The following MON1A variants were observed in gnomAD, a reference collection of about 807,000 sequenced individuals.
The protein encoded by MON1A is MON1 vesicular trafficking associated A.
MON1A carries 29 observed loss-of-function variants against 44.6 expected under a neutral mutation model. That is an observed-to-expected ratio of 0.65 (90% CI 0.48 to 0.89). The LOEUF is 0.89. Among genes scored for constraint, MON1A ranks in the 40% least tolerant of loss-of-function variants. The pLI is 0.00. For synonymous variants in MON1A, 275 were observed against 316.4 expected (o/e 0.87, Z 1.39); for missense variants, 615 against 759.6 (o/e 0.81, Z 2.24).
At chr3:49,917,534 C>T (rs1418485177) in intron 1 of MON1A, among the ~76,000 whole-genome samples, 13 of 151,506 alleles carry the variant, frequency 8.6e-5, no homozygotes, top group Admixed American at 2.0e-4. Context: ...GTGATCCACC[C>T]GCCTCAGCCT....
At chr3:49,912,688 A>C in intron 2 of MON1A, 1 of 225,108 alleles carries the variant, frequency 4.4e-6, no homozygotes, top group South Asian at 6.1e-5. Flanking sequence ...GCAGCCTGTG[A>C]CTGCCTCAGG....
At chr3:49,923,541 C>T (rs2083023537) in intron 1 of MON1A, among the ~76,000 whole-genome samples, 1 of 149,888 alleles carries the variant, frequency 6.7e-6, no homozygotes, top group South Asian at 2.1e-4. Context: ...CTCAGCTCCA[C>T]CTCCCAGGTT....
In MON1A at chr3:49,910,861, G is replaced by T; in HGVS notation, c.637C>A (p.Arg213Ser). 2 of 1,610,980 alleles carry T rather than the reference G, an allele frequency of 1.2e-6. No individual in the cohort carries two copies. Among genetic ancestry groups the T allele is most frequent in the Non-Finnish European group, 1.7e-6 (2 of 1,177,806 alleles). Reference sequence around the variant, plus strand: ...GCCACTAGCACCAGCGGGCTCCGGCGCACGAATACTACCTTGTAGCCATCT... The same window carrying T: ...GCCACTAGCACCAGCGGGCTCCGGCTCACGAATACTACCTTGTAGCCATCT... ...HADGYKVVFV[R>S]RSPLVLVAVA... is the part of the protein sequence containing the mutation. The change falls in exon 4 of 6, where the codon CGC (arginine) becomes AGC (serine). Residue 213 changes from arginine (R) to serine (S), a missense_variant. Arg to Ser is a moderately radical substitution (Grantham distance 110). Coordinates refer to ENST00000296473, the MANE Select transcript of MON1A (RefSeq NM_032355.4). This position sits in a 1 kb window ranked among gnomAD's most constrained non-coding sequence, Gnocchi z 8.0.
In MON1A at chr3:49,913,248, T is replaced by C. The variant is rs1290253495; in HGVS notation, c.99A>G (p.Thr33=). Reference sequence around the variant, plus strand: ...GCTCCATTCCCTGGGCCATTCCTGGTGTGGGGCTCTCAGCTCTCTCCATAC... The same window carrying C: ...GCTCCATTCCCTGGGCCATTCCTGGCGTGGGGCTCTCAGCTCTCTCCATAC... ...GQSMERAESP[T]PGMAQGMEPG... is the part of the protein sequence containing the mutation. Residue 33 remains threonine (T), a synonymous_variant, in exon 2 of 6, where the codon ACA becomes ACG. Coordinates refer to ENST00000296473, the MANE Select transcript of MON1A (RefSeq NM_032355.4). 4.3e-6 allele frequency: 7 copies of C among 1,614,076 alleles called. No individual in the cohort carries two copies. The African/African-American group carries it at 6.7e-5, about 15-fold the overall frequency.
chr3:49,925,653 C>T (rs2083046051), intron 1 of MON1A, among the ~76,000 whole-genome samples: 1 of 152,046 alleles, frequency 6.6e-6, no homozygotes, highest in South Asian at 2.1e-4. Flanking sequence ...GTGGGAGGAT[C>T]GCTTGAGTAC....
chr3:49,922,941 C>T (rs2083014255), intron 1 of MON1A, among the ~76,000 whole-genome samples: 1 of 151,878 alleles, frequency 6.6e-6, no homozygotes, highest in South Asian at 2.1e-4. Flanking sequence ...AAACCCCTGA[C>T]CTGGTGATCC....
intron 1 of MON1A, among the ~76,000 whole-genome samples, chr3:49,920,421 T>C (rs990387698): frequency 2.6e-5 from 4 of 152,184 alleles, no homozygotes; most frequent in Non-Finnish European, 4.4e-5. Context: ...AAATTCCCTC[T>C]ACATATTAAT....
chr3:49,925,520 G>C (rs2083045102), intron 1 of MON1A, among the ~76,000 whole-genome samples: 3 of 152,132 alleles, frequency 2.0e-5, no homozygotes, highest in Non-Finnish European at 4.4e-5. Context: ...ATTCCAAATA[G>C]AACTGATAGA....
intron 1 of MON1A, among the ~76,000 whole-genome samples, chr3:49,918,175 A>T (rs1190636612): frequency 3.3e-5 from 5 of 151,804 alleles, no homozygotes; most frequent in African/African-American, 1.2e-4. Flanking sequence ...CATCTCTACT[A>T]AATAAAAAAA....
rs535293880 is a variant in MON1A at position 49,910,519 on chromosome 3, T to C, written c.979A>G (p.Asn327Asp). Residue 327 changes from asparagine to aspartate, a missense_variant, in exon 4 of 6, where the codon AAC (asparagine) becomes GAC (aspartate). Coordinates refer to ENST00000296473, the MANE Select transcript of MON1A (RefSeq NM_032355.4). This position sits in a 1 kb window ranked among gnomAD's most constrained non-coding sequence, Gnocchi z 8.0. ...SLVFSILLAR[N>D]QLVALVRRKD... ...CGGCGCACGAGTGCCACGAGCTGGT[T>C]GCGGGCCAGCAGGATGGAGAAGACC... 2.5e-5 allele frequency: 40 copies of C among 1,613,850 alleles called. No homozygotes were observed. The South Asian group carries it at 4.0e-4, about 16-fold the overall frequency.
chr3:49,912,412 T>G, intron 2 of MON1A: 1 of 178,008 alleles, frequency 5.6e-6, no homozygotes, highest in Non-Finnish European at 1.2e-5. Context: ...GGCCGGCTAA[T>G]TGTCACACTT....
At chr3:49,929,023 C>A (rs2083072765) in intron 1 of MON1A, among the ~76,000 whole-genome samples, 1 of 152,144 alleles carries the variant, frequency 6.6e-6, no homozygotes, top group South Asian at 2.1e-4. Flanking sequence ...CGAGCCTGGC[C>A]AACATGGTGA....
intron 1 of MON1A, among the ~76,000 whole-genome samples, chr3:49,917,579 C>G (rs539091478): frequency 7.3e-5 from 11 of 151,634 alleles, no homozygotes; most frequent in African/African-American, 2.7e-4. Flanking sequence ...TAAGCCACCA[C>G]GCCTGGCCGG....
At position 49,909,514 on chromosome 3, in the gene MON1A, C is replaced by T; in HGVS notation, c.1380-114G>A. The T allele has an allele frequency of 7.2e-7, 1 of 1,397,772 alleles. No individual in the cohort carries two copies. The highest frequency in any genetic ancestry group is 9.7e-7 in the Non-Finnish European group (1 of 1,025,892). The allele number at this position is 1,397,772 out of a possible 1,614,324, so 86.6% of individuals were successfully genotyped here. ...AAGACTCTATCTTATGTCCTACCCT[C>T]CAGGTGCTCCCTTAGGACAGGGCAT... On this transcript the variant is annotated intron_variant, in intron 4 of 5. Coordinates refer to ENST00000296473, the MANE Select transcript of MON1A (RefSeq NM_032355.4). This position sits in a 1 kb window ranked among gnomAD's most constrained non-coding sequence, Gnocchi z 4.0.
chr3:49,925,153 C>A (rs917953071), intron 1 of MON1A, among the ~76,000 whole-genome samples: 7 of 152,104 alleles, frequency 4.6e-5, no homozygotes, highest in African/African-American at 1.7e-4. Flanking sequence ...CTCACTCTGC[C>A]ACCCAGGCCG....
intron 1 of MON1A, among the ~76,000 whole-genome samples, chr3:49,920,176 G>C (rs1343511193): frequency 6.6e-6 from 1 of 152,116 alleles, no homozygotes; most frequent in Non-Finnish European, 1.5e-5. Flanking sequence ...CGACCTCCAG[G>C]ATCATCTTAC....
Position 49,911,490 on chromosome 3 carries a change from G to A in MON1A, c.613+36C>T, listed in dbSNP as rs772061905. ...ACCTGCTATGAATGAACCTTGGCCA[G>A]GGGAGCCCGCCCCATTCCCTCTCCA... On this transcript the variant is annotated intron_variant, in intron 3 of 5. Transcript: ENST00000296473. The surrounding 1 kb of genome is among the most constrained non-coding windows in gnomAD (Gnocchi z 5.7). 3.2e-6 allele frequency: 5 copies of A among 1,573,390 alleles called. No homozygotes were observed. The highest frequency in any genetic ancestry group is 4.3e-6 in the Non-Finnish European group (5 of 1,158,848).
At chr3:49,928,147 G>T (rs2083065906) in intron 1 of MON1A, among the ~76,000 whole-genome samples, 1 of 152,204 alleles carries the variant, frequency 6.6e-6, no homozygotes, top group Non-Finnish European at 1.5e-5. Context: ...GCTGGCCAGA[G>T]CTAGTGGATG....
rs539554042 is a variant in MON1A at position 49,911,670 on chromosome 3, G to C, written c.469C>G (p.His157Asp). 2 of 1,614,140 alleles carry C rather than the reference G, an allele frequency of 1.2e-6. No homozygotes were observed. Among genetic ancestry groups the C allele is most frequent in the South Asian group, 2.2e-5 (2 of 91,086 alleles). Residue 157 changes from histidine to aspartate, a missense_variant, in exon 3 of 6, where the codon CAT becomes GAT. Transcript: ENST00000296473. This position sits in a 1 kb window ranked among gnomAD's most constrained non-coding sequence, Gnocchi z 5.7. ...ATEAWRLHQK[H>D]VFVLSEAGKP... ...CCTGCCTCACTCAGCACAAAGACATGCTTCTGGTGCAGGCGCCATGCCTCC... is the reference window on the plus strand; with the variant it reads ...CCTGCCTCACTCAGCACAAAGACATCCTTCTGGTGCAGGCGCCATGCCTCC...
Sources: allele counts gnomAD v4.1 joint callset (sites outside exome capture counted in the v4.1 genomes callset), GRCh38; gene constraint gnomAD v4.1.1; non-coding constraint Gnocchi (gnomAD v3.1); transcripts MANE v1.5; gene names NCBI Gene and HGNC (gene_info 2026-07-23, HGNC 2026-07-21).